SLCO4C1: variants seen among roughly 807,000 people sequenced by gnomAD.
SLCO4C1 encodes the protein solute carrier organic anion transporter family member 4C1.
A neutral mutation model predicts 72.1 loss-of-function variants in SLCO4C1; 58 were observed. The observed-to-expected ratio is 0.80, with a 90% CI of 0.65 to 1.00. The LOEUF is 1.00. Among genes scored for constraint, SLCO4C1 ranks in the 50% least tolerant of loss-of-function variants. SLCO4C1 has a pLI of 0.00. For missense variants in SLCO4C1, 898 were observed against 857.9 expected (o/e 1.05, Z -0.58); for synonymous variants, 297 against 312.5 (o/e 0.95, Z 0.52).
At chr5:102,260,041 G>T (rs561290859) in intron 6 of SLCO4C1, among the ~76,000 whole-genome samples, 172 bp downstream of exon 6, 2 of 151,190 alleles carry the variant, frequency 1.3e-5, no homozygotes, top group East Asian at 1.9e-4. Context: ...GGTGTGTGTG[G>T]GTTTATGTGG....
chr5:102,285,899 T>C (rs1483532256), intron 2 of SLCO4C1, among the ~76,000 whole-genome samples: 1 of 152,100 alleles, frequency 6.6e-6, no homozygotes, highest in Non-Finnish European at 1.5e-5. Context: ...CCAAGCAAAA[T>C]TAAAGCTTCC....
rs1030098579 is a variant in SLCO4C1 at position 102,291,205 on chromosome 5, A to G, written c.619+138T>C. 1.0e-4 allele frequency: 87 copies of G among 873,106 alleles called. No homozygotes were observed. In the African/African-American group the frequency reaches 1.5e-3, roughly 15 times the overall value. The allele number at this position is 873,106 out of a possible 1,614,324, so 54.1% of individuals were successfully genotyped here. On this transcript the variant is annotated intron_variant, in intron 2 of 12. Coordinates refer to ENST00000310954, the MANE Select transcript of SLCO4C1 (RefSeq NM_180991.5). ...TAATCTCCTATCTCATACAGTTCAC[A>G]CAATGAACAAACCAGTGAGGTGTGG...
chr5:102,270,648 TG>T lies in SLCO4C1; in HGVS notation c.777del (p.Thr260HisfsTer8). Reference sequence around the variant, plus strand: ...CCTATATAGAGAGAAGACTTGTGTGTGGGCACAGAATCATCAAGAAAGGCTG... The same window carrying T: ...CCTATATAGAGAGAAGACTTGTGTGTGGCACAGAATCATCAAGAAAGGCTG... ...LGTAFLDDSV[P>X]THKSSLYIGT... On this transcript the variant is annotated frameshift_variant, in exon 3 of 13. Coordinates refer to ENST00000310954, the MANE Select transcript of SLCO4C1 (RefSeq NM_180991.5). LOFTEE classifies it high-confidence loss of function. The T allele has an allele frequency of 6.2e-7, 1 of 1,611,982 alleles. No individual in the cohort carries two copies. The highest frequency in any genetic ancestry group is 1.7e-5 in the Admixed American group (1 of 59,698).
At chr5:102,276,563 C>T (rs116283416) in intron 2 of SLCO4C1, among the ~76,000 whole-genome samples, 1,745 of 152,240 alleles carry the variant, frequency 0.011, 25 homozygotes, top group African/African-American at 0.04. Flanking sequence ...AGGTATTTTA[C>T]CGTCTTTTAC....
chr5:102,265,599 T>C (rs906244364), intron 3 of SLCO4C1, among the ~76,000 whole-genome samples: 1 of 152,182 alleles, frequency 6.6e-6, no homozygotes, highest in African/African-American at 2.4e-5. Flanking sequence ...TTGGTATCTT[T>C]AGCAAAAATC....
chr5:102,286,435 G>GA (rs1300754979), intron 2 of SLCO4C1, among the ~76,000 whole-genome samples: 1 of 151,860 alleles, frequency 6.6e-6, no homozygotes, highest in Admixed American at 6.6e-5. Context: ...TTGCTTAGAT[G>GA]AAAAAAATGT....
At chr5:102,275,170 T>C (rs1749226130) in intron 2 of SLCO4C1, among the ~76,000 whole-genome samples, 1 of 150,152 alleles carries the variant, frequency 6.7e-6, no homozygotes, top group South Asian at 2.1e-4. Flanking sequence ...AAAGAGGAGA[T>C]CAAATCCTGA....
chr5:102,245,701 A>T (rs1373658531), intron 10 of SLCO4C1, among the ~76,000 whole-genome samples: 1 of 152,158 alleles, frequency 6.6e-6, no homozygotes, highest in East Asian at 1.9e-4. Flanking sequence ...GATCTAATAG[A>T]TATTTACAGA....
chr5:102,244,802 CTTCAAACATGAAGG>C (rs1422012062), intron 10 of SLCO4C1, among the ~76,000 whole-genome samples: 1 of 152,142 alleles, frequency 6.6e-6, no homozygotes, highest in East Asian at 1.9e-4. Flanking sequence ...TTAAAATATC[CTTCAAACATGAAGG>C]AGAAGTAAAG....
chr5:102,269,130 T>C (rs1464113299), intron 3 of SLCO4C1, among the ~76,000 whole-genome samples: 3 of 152,148 alleles, frequency 2.0e-5, no homozygotes, highest in Non-Finnish European at 4.4e-5. Flanking sequence ...AGTTTGAATA[T>C]AATACACCTT....
intron 2 of SLCO4C1, among the ~76,000 whole-genome samples, chr5:102,289,994 T>A (rs1369189612): frequency 6.6e-6 from 1 of 152,208 alleles, no homozygotes; most frequent in African/African-American, 2.4e-5. Context: ...TACTTTAATA[T>A]TGTCTTAGTC....
chr5:102,247,548 C>T (rs1748658181), intron 9 of SLCO4C1, 106 bp from the exon 10 acceptor site: 2 of 633,124 alleles, frequency 3.2e-6, no homozygotes, highest in South Asian at 4.4e-5. Context: ...CTGTCTTAAT[C>T]CATATTCAAC....
At chr5:102,238,170 A>T (rs1438666971) in intron 12 of SLCO4C1, among the ~76,000 whole-genome samples, 1 of 152,166 alleles carries the variant, frequency 6.6e-6, no homozygotes, top group Non-Finnish European at 1.5e-5. Context: ...TGAAAATTTT[A>T]AGGTTTTATA....
intron 6 of SLCO4C1, among the ~76,000 whole-genome samples, chr5:102,258,391 A>G (rs564693679): frequency 6.6e-6 from 1 of 152,282 alleles, no homozygotes; most frequent in East Asian, 1.9e-4. Context: ...TCCCTTCCCC[A>G]GTGTTACTGT....
In SLCO4C1 at chr5:102,279,356, C is replaced by T. The variant is rs1749311120; in HGVS notation, c.620-8550G>A. Among the ~76,000 whole-genome samples the T allele has an allele frequency of 2.0e-5, 3 of 151,946 alleles. No individual in the cohort carries two copies. In the South Asian group the frequency reaches 6.2e-4, roughly 31 times the overall value. ...CCATTAAAAGTAATGACAAAAATCA[C>T]AATTACTCTTGCACCAACCTAATAG... On this transcript the variant is annotated intron_variant, in intron 2 of 12. Coordinates refer to ENST00000310954, the MANE Select transcript of SLCO4C1 (RefSeq NM_180991.5).
chr5:102,273,368 C>T (rs1023481472), intron 2 of SLCO4C1, among the ~76,000 whole-genome samples: 1 of 152,048 alleles, frequency 6.6e-6, no homozygotes, highest in Non-Finnish European at 1.5e-5. Flanking sequence ...AAATCTGATG[C>T]AGGACTTTCA....
At chr5:102,272,336 A>G (rs1749167521) in intron 2 of SLCO4C1, among the ~76,000 whole-genome samples, 1 of 152,120 alleles carries the variant, frequency 6.6e-6, no homozygotes, top group Admixed American at 6.6e-5. Flanking sequence ...TAAAGGCATC[A>G]ATATGTCAAC....
At chr5:102,268,385 TTAGAC>T (rs748573009) in intron 3 of SLCO4C1, among the ~76,000 whole-genome samples, 1 of 152,168 alleles carries the variant, frequency 6.6e-6, no homozygotes, top group Non-Finnish European at 1.5e-5. Context: ...ATTTTTTGAC[TTAGAC>T]TATTTTGTCT....
chr5:102,283,808 G>A (rs2112393794), intron 2 of SLCO4C1, among the ~76,000 whole-genome samples: 1 of 152,078 alleles, frequency 6.6e-6, no homozygotes, highest in South Asian at 2.1e-4. Context: ...GGTAATGGCA[G>A]ATAAAGGCAA....
Sources: gnomAD v4.1 joint callset for allele counts (sites outside exome capture counted in the v4.1 genomes callset) on GRCh38, gnomAD v4.1.1 for gene constraint, MANE v1.5 for transcripts, NCBI Gene and HGNC (gene_info 2026-07-23, HGNC 2026-07-21) for gene names.